INTS1: variants seen among roughly 807,000 people sequenced by gnomAD.
INTS1 encodes the protein integrator complex subunit 1.
Under a neutral mutation model 241.6 loss-of-function variants are expected in INTS1, and 137 were observed. That is an observed-to-expected ratio of 0.57 (90% confidence interval 0.49 to 0.65). The LOEUF (loss-of-function observed/expected upper bound fraction) is 0.65. Ranked by LOEUF, INTS1 falls within the 30% of genes least tolerant of loss-of-function variation. The pLI is 0.00. For synonymous variants in INTS1, 1,692 were observed against 1,337.8 expected (o/e 1.26, Z -5.78); for missense variants, 3,073 against 3,032.2 (o/e 1.01, Z -0.32).
chr7:1,480,694 C>T lies in INTS1; in HGVS notation c.3949+141G>A, dbSNP rs1584269472. The T allele has an allele frequency of 7.9e-6, 6 of 760,156 alleles. No homozygotes were observed. In the East Asian group the frequency reaches 8.1e-5, roughly 10 times the overall value. The allele number at this position is 760,156 out of a possible 1,614,324, so 47.1% of individuals were successfully genotyped here. ...GACAGGCTGAGAGTTTCTGTGGGGGCCCCTCTCAGGTGGCATCAGCAAGTG... is the reference window on the plus strand; with the variant it reads ...GACAGGCTGAGAGTTTCTGTGGGGGTCCCTCTCAGGTGGCATCAGCAAGTG... On this transcript the variant is annotated intron_variant, in intron 29 of 47. Coordinates refer to ENST00000404767, the MANE Select transcript of INTS1 (RefSeq NM_001080453.3).
Position 1,477,663 on chromosome 7 carries a change from C to T in INTS1, c.4825G>A (p.Val1609Met), listed in dbSNP as rs778450597. 8 of 1,594,796 alleles carry T rather than the reference C, an allele frequency of 5.0e-6. No individual in the cohort carries two copies. In the African/African-American group the frequency reaches 9.4e-5, roughly 19 times the overall value. ...AGGCCTGACGAGGGCCCCAGCCGCACGGCCTCCAGGCTGCAGGGAGAAGGT... is the reference window on the plus strand; with the variant it reads ...AGGCCTGACGAGGGCCCCAGCCGCATGGCCTCCAGGCTGCAGGGAGAAGGT... ...PGADGGSLEA[V>M]RLGPSSGLLV... The change falls in exon 35 of 48, where the codon GTG becomes ATG. Residue 1609 changes from valine to methionine, a missense_variant. Physicochemically the swap from Val to Met is conservative, Grantham distance 21. Coordinates refer to ENST00000404767, the MANE Select transcript of INTS1 (RefSeq NM_001080453.3).
In INTS1 at chr7:1,504,364, C is replaced by G; in HGVS notation, c.-83G>C. ...CCGGAGCGCCGCCGCCGCCACCCGG[C>G]CACCCCGGAATCGGAAACCGATCTC... is the stretch of plus-strand genomic sequence containing the variant. On this transcript the variant is annotated 5_prime_UTR_variant, in exon 1 of 48. Transcript: ENST00000404767. The G allele has an allele frequency of 2.0e-6, 1 of 493,764 alleles. No homozygotes were observed. The highest frequency in any genetic ancestry group is 3.9e-6 in the Non-Finnish European group (1 of 253,182). The allele number at this position is 493,764 out of a possible 1,614,324, so 30.6% of individuals were successfully genotyped here. A position where few individuals can be genotyped will look rare whatever the true frequency, so the allele number is the denominator to read the frequency against.
intron 3 of INTS1, among the ~76,000 whole-genome samples, chr7:1,500,707 C>A (rs1239510873): frequency 2.0e-5 from 3 of 152,174 alleles, no homozygotes; most frequent in Non-Finnish European, 4.4e-5. Flanking sequence ...CGTCTGGCGG[C>A]TTCTTTCTCA....
At chr7:1,472,953 C>T (rs1476646416) in intron 43 of INTS1, 119 bp downstream of exon 43, 11 of 622,712 alleles carry the variant, frequency 1.8e-5, no homozygotes, top group Non-Finnish European at 3.0e-5. Flanking sequence ...AGGTCCCAGG[C>T]TCACACAGCC....
At chr7:1,501,196 A>G (rs1783160806) in intron 3 of INTS1, 1 of 152,102 alleles carries the variant, frequency 6.6e-6, no homozygotes, top group African/African-American at 2.4e-5. Context: ...AAGGCAGGAG[A>G]ATCATGTGAA....
chr7:1,471,811 A>C, intron 44 of INTS1, 170 bp from the exon 45 acceptor site: 2 of 637,136 alleles, frequency 3.1e-6, no homozygotes, highest in Middle Eastern at 3.6e-4. Context: ...AGCTCCACAA[A>C]TACCCGGCCC....
In INTS1 at chr7:1,487,607, A is replaced by G. The variant is rs1583129977; in HGVS notation, c.2516+153T>C. 2.3e-6 allele frequency: 3 copies of G among 1,277,692 alleles called. No individual in the cohort carries two copies. The East Asian group carries it at 7.5e-5, about 32-fold the overall frequency. 79.1% of individuals were successfully genotyped at this position (1,277,692 alleles called of 1,614,324 possible). ...CCCCAAGGCCTGGCCCCACAGCAGTAAGCCAGGGACGCGGGGACGGGGCTC... is the reference window on the plus strand; with the variant it reads ...CCCCAAGGCCTGGCCCCACAGCAGTGAGCCAGGGACGCGGGGACGGGGCTC... On this transcript the variant is annotated intron_variant, in intron 19 of 47. Coordinates refer to ENST00000404767, the MANE Select transcript of INTS1 (RefSeq NM_001080453.3).
At chr7:1,496,033 G>A in intron 12 of INTS1, 123 bp downstream of exon 12, 2 of 696,416 alleles carry the variant, frequency 2.9e-6, no homozygotes, top group Non-Finnish European at 5.0e-6. Context: ...TCCCCGAGTA[G>A]CCGTGCTGCG....
intron 29 of INTS1, 146 bp from the exon 30 acceptor site, chr7:1,480,587 C>T: frequency 1.1e-6 from 1 of 931,914 alleles, no homozygotes; most frequent in Non-Finnish European, 1.6e-6. Context: ...CCCCAAGGAC[C>T]CCAGGTCTCG....
chr7:1,480,736 G>T (rs947079476), intron 29 of INTS1, 99 bp downstream of exon 29: 1 of 972,028 alleles, frequency 1.0e-6, no homozygotes. Flanking sequence ...GCCCTGTGTG[G>T]CTGTGCAGGC....
intron 44 of INTS1, 68 bp from the exon 45 acceptor site, chr7:1,471,709 C>A: frequency 6.7e-7 from 1 of 1,500,236 alleles, no homozygotes; most frequent in Admixed American, 1.7e-5. Context: ...CCCACCCCAG[C>A]CACCCAGAGG....
At chr7:1,503,623 C>T (rs941471049) in intron 2 of INTS1, among the ~76,000 whole-genome samples, 6 of 152,236 alleles carry the variant, frequency 3.9e-5, no homozygotes, top group African/African-American at 1.4e-4. Flanking sequence ...CTGCCTCCCG[C>T]CTCCTGGCTG....
In INTS1 at chr7:1,471,155, G is replaced by C; in HGVS notation, c.6325C>G (p.Arg2109Gly). The change falls in exon 46 of 48, where the codon CGC becomes GGC. Residue 2109 changes from arginine to glycine, a missense_variant. Transcript: ENST00000404767. ...CRNLAFSLAL[R>G]SMQNSPSIAA... ...CACCTGGGGCTGTTCTGCATGGAGC[G>C]CAGGGCCAGGCTGAAGGCGAGGTTG... is the stretch of plus-strand genomic sequence containing the variant. The C allele has an allele frequency of 6.3e-7, 1 of 1,577,096 alleles. No individual in the cohort carries two copies. The highest frequency in any genetic ancestry group is 8.6e-7 in the Non-Finnish European group (1 of 1,162,892).
chr7:1,483,280 C>T (rs1782083625), intron 26 of INTS1: 2 of 250,268 alleles, frequency 8.0e-6, no homozygotes, highest in South Asian at 1.0e-4. Flanking sequence ...CCGCAGAGGG[C>T]ACGGCTGGGT....
In INTS1 at chr7:1,480,192, G is replaced by A. The variant is rs1376096730; in HGVS notation, c.4074+125C>T. ...GTCACGCGTGTAAAGGCCGCTGTGC[G>A]TGTGCAGCGTGCCTGGGTCAGGCGG... is the stretch of plus-strand genomic sequence containing the variant. On this transcript the variant is annotated intron_variant, in intron 30 of 47. Coordinates refer to ENST00000404767, the MANE Select transcript of INTS1 (RefSeq NM_001080453.3). The A allele has an allele frequency of 1.3e-5, 15 of 1,126,796 alleles. No homozygotes were observed. In the Admixed American group the frequency reaches 1.3e-4, roughly 10 times the overall value. 69.8% of individuals were successfully genotyped at this position (1,126,796 alleles called of 1,614,324 possible).
At chr7:1,473,449 T>G in intron 42 of INTS1, 117 bp downstream of exon 42, 4 of 1,309,746 alleles carry the variant, frequency 3.1e-6, no homozygotes, top group Non-Finnish European at 4.2e-6. Context: ...TCAGCAGCCC[T>G]CCCCGGCCTC....
chr7:1,471,503 G>A (rs1188365717), intron 45 of INTS1, 68 bp downstream of exon 45: 3 of 1,519,260 alleles, frequency 2.0e-6, no homozygotes, highest in African/African-American at 1.4e-5. Context: ...ATGTTGGGGT[G>A]GTGGCCCTGC....
intron 16 of INTS1, 90 bp downstream of exon 16, chr7:1,492,920 G>C: frequency 1.2e-6 from 1 of 825,014 alleles, no homozygotes; most frequent in South Asian, 1.7e-5. Context: ...GGGCGGGAGT[G>C]GGGAGCGGGG....
chr7:1,483,736 G>A lies in INTS1; in HGVS notation c.3541+6C>T, dbSNP rs1308927268. The stretch of plus-strand genomic sequence containing the variant: ...GCTGCCCCTCCCGGGGCCTGTGGCG[G>A]CTCACCTCGAGGCGGGCCCAGCGTC... On this transcript the variant is annotated splice_donor_region_variant and intron_variant, in intron 26 of 47. Coordinates refer to ENST00000404767, the MANE Select transcript of INTS1 (RefSeq NM_001080453.3). 1.9e-6 allele frequency: 3 copies of A among 1,607,862 alleles called. No homozygotes were observed. Among genetic ancestry groups the A allele is most frequent in the Non-Finnish European group, 2.5e-6 (3 of 1,177,842 alleles).
Sources: gnomAD v4.1 joint callset for allele counts (sites outside exome capture counted in the v4.1 genomes callset) on GRCh38, gnomAD v4.1.1 for gene constraint, MANE v1.5 for transcripts, NCBI Gene and HGNC (gene_info 2026-07-23, HGNC 2026-07-21) for gene names.